ANKRD13B: variants seen among roughly 807,000 people sequenced by gnomAD.
The protein encoded by ANKRD13B is ankyrin repeat domain 13B.
ANKRD13B carries 33 observed loss-of-function variants against 74.4 expected under a neutral mutation model. The observed-to-expected ratio is 0.44, with a 90% CI of 0.34 to 0.59. ANKRD13B has a LOEUF of 0.59. ANKRD13B is among the 20% of genes least tolerant of loss of function. ANKRD13B has a pLI of 0.02. For missense variants in ANKRD13B, 676 were observed against 877.9 expected, an observed-to-expected ratio of 0.77 and a Z score of 2.91; for synonymous variants, 341 against 362.9, an observed-to-expected ratio of 0.94 and a Z score of 0.68.
In ANKRD13B at chr17:29,593,540, C is replaced by A. The variant is rs941162641; in HGVS notation, c.-82C>A. 11 of 539,948 alleles carry A rather than the reference C, an allele frequency of 2.0e-5. No individual in the cohort carries two copies. Among genetic ancestry groups the A allele is most frequent in the East Asian group, 1.4e-4 (1 of 7,080 alleles). 33.4% of individuals were successfully genotyped at this position (539,948 alleles called of 1,614,324 possible). A position where few individuals can be genotyped will look rare whatever the true frequency, so the allele number is the denominator to read the frequency against. Reference sequence around the variant, plus strand: ...CCGCGAGCAGGCAGCGCCGGCCCCCCGCCCCGCGGCCCCGGGCCCCGGCTC... The same window carrying A: ...CCGCGAGCAGGCAGCGCCGGCCCCCAGCCCCGCGGCCCCGGGCCCCGGCTC... On this transcript the variant is annotated 5_prime_UTR_variant, in exon 1 of 15. Coordinates refer to ENST00000394859, the MANE Select transcript of ANKRD13B (RefSeq NM_152345.5).
chr17:29,610,877 C>T, intron 8 of ANKRD13B, 111 bp downstream of exon 8: 2 of 1,072,734 alleles, frequency 1.9e-6, no homozygotes, highest in Non-Finnish European at 1.4e-6. Flanking sequence ...AGGCTGGATG[C>T]TTTATTCAGG....
At chr17:29,604,739 C>T (rs1304573179) in intron 1 of ANKRD13B, among the ~76,000 whole-genome samples, 11 of 147,574 alleles carry the variant, frequency 7.5e-5, no homozygotes, top group African/African-American at 2.0e-4. Context: ...GATGTGGTTT[C>T]GCCATTTTGG....
rs1301634767 is a variant in ANKRD13B, at chr17:29,597,574, G to T, written c.114+3839G>T. Among the ~76,000 whole-genome samples the T allele has an allele frequency of 1.3e-4, 20 of 152,150 alleles. 1 individual carries two copies. The highest frequency in any genetic ancestry group is 6.5e-4 in the Admixed American group (10 of 15,282). ...CCGTTCTCTTGGTGGGGAGGGCTGG[G>T]TGTTGGGTTTCATGGGAAACCTTTT... On this transcript the variant is annotated intron_variant, in intron 1 of 14. Transcript: ENST00000394859.
At position 29,609,611 on chromosome 17, in the gene ANKRD13B, G is replaced by A. The variant is rs992533686; in HGVS notation, c.822+190G>A. On this transcript the variant is annotated intron_variant, in intron 7 of 14. Transcript: ENST00000394859. This position sits in a 1 kb window ranked among gnomAD's most constrained non-coding sequence, Gnocchi z 4.0. ...ATGTATGGATGTATACACAGGGCAC[G>A]TGCACACGCACACACACACACACAT... 2.0e-5 allele frequency among the ~76,000 whole-genome samples: 3 copies of A among 152,198 alleles called. No individual in the cohort carries two copies. Among genetic ancestry groups the A allele is most frequent in the Non-Finnish European group, 4.4e-5 (3 of 68,032 alleles).
In ANKRD13B at chr17:29,613,338, C is replaced by T; in HGVS notation, c.1653-16C>T. On this transcript the variant is annotated splice_polypyrimidine_tract_variant and intron_variant, in intron 14 of 14. Coordinates refer to ENST00000394859, the MANE Select transcript of ANKRD13B (RefSeq NM_152345.5). ...GGTGCGCCCGGGAGCCCGCGACATT[C>T]CTTCCCCACCCCCAGGAGCGCCCCG... 2 of 1,419,626 alleles carry T rather than the reference C, an allele frequency of 1.4e-6. No individual in the cohort carries two copies. The highest frequency in any genetic ancestry group is 1.8e-6 in the Non-Finnish European group (2 of 1,097,068). The allele number at this position is 1,419,626 out of a possible 1,614,324, so 87.9% of individuals were successfully genotyped here. A position where few individuals can be genotyped will look rare whatever the true frequency, so the allele number is the denominator to read the frequency against.
intron 7 of ANKRD13B, among the ~76,000 whole-genome samples, chr17:29,610,085 G>A (rs964981687): frequency 1.3e-5 from 2 of 151,812 alleles, no homozygotes; most frequent in African/African-American, 4.8e-5. Context: ...CCAGCTACTC[G>A]GGAGGCTGAG....
Position 29,609,450 on chromosome 17 carries a change from C to CAGCT in ANKRD13B, c.822+30_822+33dup. On this transcript the variant is annotated intron_variant, in intron 7 of 14. Coordinates refer to ENST00000394859, the MANE Select transcript of ANKRD13B (RefSeq NM_152345.5). The surrounding 1 kb of genome is among the most constrained non-coding windows in gnomAD (Gnocchi z 4.0). Reference sequence around the variant, plus strand: ...AGGCTGCAGCTCCCAGCTGCCAGCCCAGCTGCACTCTTGCCTACAGCAAGC... The same window carrying CAGCT: ...AGGCTGCAGCTCCCAGCTGCCAGCCCAGCTAGCTGCACTCTTGCCTACAGCAAGC... The CAGCT allele has an allele frequency of 6.2e-7, 1 of 1,611,484 alleles. No individual in the cohort carries two copies. Among genetic ancestry groups the CAGCT allele is most frequent in the South Asian group, 1.1e-5 (1 of 90,848 alleles).
chr17:29,613,349 C>T lies in ANKRD13B; in HGVS notation c.1653-5C>T, dbSNP rs367994677. 1 of 1,448,874 alleles carries T rather than the reference C, an allele frequency of 6.9e-7. No homozygotes were observed. The allele number at this position is 1,448,874 out of a possible 1,614,324, so 89.8% of individuals were successfully genotyped here. ...GAGCCCGCGACATTCCTTCCCCACCCCCAGGAGCGCCCCGCCCACGCCGCA... is the reference window on the plus strand; with the variant it reads ...GAGCCCGCGACATTCCTTCCCCACCTCCAGGAGCGCCCCGCCCACGCCGCA... On this transcript the variant is annotated splice_polypyrimidine_tract_variant and splice_region_variant and intron_variant, in intron 14 of 14. Coordinates refer to ENST00000394859, the MANE Select transcript of ANKRD13B (RefSeq NM_152345.5).
intron 1 of ANKRD13B, among the ~76,000 whole-genome samples, chr17:29,597,996 C>CAGCA (rs2034016103): frequency 1.3e-5 from 2 of 152,168 alleles, no homozygotes; most frequent in South Asian, 4.1e-4. Flanking sequence ...GCGGCTGCGG[C>CAGCA]TGCAGCATCT....
chr17:29,599,865 G>GTTGTTT (rs2034090930), intron 1 of ANKRD13B, among the ~76,000 whole-genome samples: 1 of 50,772 alleles, frequency 2.0e-5, no homozygotes, highest in African/African-American at 7.4e-5. Flanking sequence ...CATCTAATTT[G>GTTGTTT]TTTTTTTTTT....
chr17:29,608,278 A>G lies in ANKRD13B; in HGVS notation c.421+38A>G, dbSNP rs2034459478. 2 of 1,613,292 alleles carry G rather than the reference A, an allele frequency of 1.2e-6. No homozygotes were observed. The highest frequency in any genetic ancestry group is 4.5e-5 in the East Asian group (2 of 44,870). On this transcript the variant is annotated intron_variant, in intron 4 of 14. Coordinates refer to ENST00000394859, the MANE Select transcript of ANKRD13B (RefSeq NM_152345.5). The surrounding 1 kb of genome is among the most constrained non-coding windows in gnomAD (Gnocchi z 6.4). Reference sequence around the variant, plus strand: ...CAGCAGGTCGCTTCTGGGCTCTCCCACTTTAGGTCCTGCGCTTGCTCCCCT... The same window carrying G: ...CAGCAGGTCGCTTCTGGGCTCTCCCGCTTTAGGTCCTGCGCTTGCTCCCCT...
In ANKRD13B at chr17:29,593,669, T is replaced by G; in HGVS notation, c.48T>G (p.Tyr16Ter). The G allele has an allele frequency of 1.4e-6, 2 of 1,433,194 alleles. No individual in the cohort carries two copies. Among genetic ancestry groups the G allele is most frequent in the Non-Finnish European group, 1.8e-6 (2 of 1,082,954 alleles). 88.8% of individuals were successfully genotyped at this position (1,433,194 alleles called of 1,614,324 possible). The change falls in exon 1 of 15, where the codon TAT becomes TAG. Residue 16 changes from tyrosine (Y) to a stop codon, truncating the protein, a stop_gained. Coordinates refer to ENST00000394859, the MANE Select transcript of ANKRD13B (RefSeq NM_152345.5). LOFTEE classifies it high-confidence loss of function. ...CCAGGAAGGGGCCCGAGGGCAAGTA[T>G]CCGCTGCACTACCTCGTGTGGCACA... ...ASARKGPEGKYPLHYLVWHNR... is the reference protein window; with the variant it reads ...ASARKGPEGK
chr17:29,611,702 C>T lies in ANKRD13B; in HGVS notation c.969+59C>T. ...GATGTGGATGTGGCTCAGGAGGAGG[C>T]TTGGGAAGCGTCCTGCTTAGCATGG... is the stretch of plus-strand genomic sequence containing the variant. On this transcript the variant is annotated intron_variant, in intron 9 of 14. Coordinates refer to ENST00000394859, the MANE Select transcript of ANKRD13B (RefSeq NM_152345.5). The surrounding 1 kb of genome is among the most constrained non-coding windows in gnomAD (Gnocchi z 4.3). 2 of 1,599,264 alleles carry T rather than the reference C, an allele frequency of 1.3e-6. No homozygotes were observed. The highest frequency in any genetic ancestry group is 1.7e-6 in the Non-Finnish European group (2 of 1,166,812).
At chr17:29,599,363 G>A (rs183797622) in intron 1 of ANKRD13B, 1 of 135,080 alleles carries the variant, frequency 7.4e-6, no homozygotes, top group East Asian at 2.0e-4. Flanking sequence ...CCATAGGTGA[G>A]GTGGACAATA....
chr17:29,596,395 G>T (rs1033664495), intron 1 of ANKRD13B, among the ~76,000 whole-genome samples: 3 of 152,262 alleles, frequency 2.0e-5, no homozygotes, highest in African/African-American at 7.2e-5. Context: ...CCAGGTCGGG[G>T]GGGACAGGGT....
In ANKRD13B at chr17:29,593,589, C is replaced by A. The variant is rs1262896461; in HGVS notation, c.-33C>A. 8.6e-7 allele frequency: 1 copy of A among 1,163,940 alleles called. No individual in the cohort carries two copies. The highest frequency in any genetic ancestry group is 4.3e-5 in the Admixed American group (1 of 23,184). The allele number at this position is 1,163,940 out of a possible 1,614,324, so 72.1% of individuals were successfully genotyped here. On this transcript the variant is annotated 5_prime_UTR_variant, in exon 1 of 15. Transcript: ENST00000394859. ...TCCGGCGCCGTCCCTCCTCCCCGGC[C>A]GGGCGCCGCGGCCCCGGCATGAGGA...
At chr17:29,604,683 A>G (rs1349806309) in intron 1 of ANKRD13B, among the ~76,000 whole-genome samples, 1 of 151,722 alleles carries the variant, frequency 6.6e-6, no homozygotes, top group Non-Finnish European at 1.5e-5. Context: ...CTGGGATTAC[A>G]GGCACCCATC....
chr17:29,612,055 G>C lies in ANKRD13B; in HGVS notation c.1100+49G>C. On this transcript the variant is annotated intron_variant, in intron 10 of 14. Coordinates refer to ENST00000394859, the MANE Select transcript of ANKRD13B (RefSeq NM_152345.5). The surrounding 1 kb of genome is among the most constrained non-coding windows in gnomAD (Gnocchi z 6.1). ...AAGGTGGGGGGCCGGGGCTCCAGGA[G>C]ATGCTGGGAGGCCATGGCTTCCTGC... 1.2e-6 allele frequency: 2 copies of C among 1,608,988 alleles called. No homozygotes were observed. The highest frequency in any genetic ancestry group is 1.7e-6 in the Non-Finnish European group (2 of 1,176,604).
chr17:29,594,491 T>C (rs1296217733), intron 1 of ANKRD13B, among the ~76,000 whole-genome samples: 1 of 152,128 alleles, frequency 6.6e-6, no homozygotes, highest in Non-Finnish European at 1.5e-5. Context: ...TGGGCAGTGG[T>C]CTCCAGAAAA....
Sources: gnomAD v4.1 joint callset for allele counts (sites outside exome capture counted in the v4.1 genomes callset) on GRCh38, gnomAD v4.1.1 for gene constraint, Gnocchi (gnomAD v3.1) non-coding constraint, MANE v1.5 for transcripts, NCBI Gene and HGNC (gene_info 2026-07-23, HGNC 2026-07-21) for gene names.